AMPD1: variants seen among roughly 807,000 people sequenced by gnomAD.
The protein encoded by AMPD1 is AMP deaminase 1.
In AMPD1, 74 loss-of-function variants were observed where a neutral mutation model predicts 82.9. The ratio of observed to expected loss-of-function variants is 0.89; its 90% CI spans 0.74 to 1.08. The LOEUF is 1.08. Ranked by LOEUF, AMPD1 falls within the 50% of genes least tolerant of loss-of-function variation. AMPD1 has a pLI of 0.00. For missense variants in AMPD1, 881 were observed against 924.5 expected (o/e 0.95, Z 0.61); for synonymous variants, 333 against 320.5 (o/e 1.04, Z -0.42).
chr1:114,684,059 C>A, intron 5 of AMPD1, 140 bp downstream of exon 5: 1 of 877,454 alleles, frequency 1.1e-6, no homozygotes, highest in Non-Finnish European at 1.7e-6. Context: ...TGATTGGACA[C>A]GTGAGGAAAT....
intron 13 of AMPD1, 69 bp from the exon 14 acceptor site, chr1:114,674,151 C>T: frequency 1.4e-6 from 2 of 1,412,216 alleles, no homozygotes; most frequent in East Asian, 2.4e-5. Context: ...ACACTACAAT[C>T]TCATGGTCTG....
chr1:114,674,196 G>T, intron 13 of AMPD1, 114 bp from the exon 14 acceptor site: 1 of 938,472 alleles, frequency 1.1e-6, no homozygotes, highest in Non-Finnish European at 1.6e-6. Context: ...ATTATCACTT[G>T]TTCTTCAAGT....
intron 13 of AMPD1, 63 bp from the exon 14 acceptor site, chr1:114,674,145 T>C (rs1657914511): frequency 7.0e-7 from 1 of 1,438,610 alleles, no homozygotes; most frequent in Non-Finnish European, 9.7e-7. Flanking sequence ...CTAGAAACAC[T>C]ACAATCTCAT....
At chr1:114,692,869 A>C (rs1415722985) in intron 2 of AMPD1, among the ~76,000 whole-genome samples, 1 of 150,498 alleles carries the variant, frequency 6.6e-6, no homozygotes, top group Non-Finnish European at 1.5e-5. Flanking sequence ...GTGGTGGCCC[A>C]CACCTGTAAT....
At chr1:114,674,664 A>C in intron 13 of AMPD1, 88 bp downstream of exon 13, 1 of 1,488,514 alleles carries the variant, frequency 6.7e-7, no homozygotes, top group Non-Finnish European at 9.3e-7. Flanking sequence ...TGCAGTGTCG[A>C]TAATGACTTG....
At chr1:114,685,764 C>T (rs541334032) in intron 4 of AMPD1, among the ~76,000 whole-genome samples, 4 of 152,206 alleles carry the variant, frequency 2.6e-5, no homozygotes, top group African/African-American at 4.8e-5. Context: ...ACTGTGTTTC[C>T]CCTGTACTCA....
Position 114,674,841 on chromosome 1 carries a change from G to T in AMPD1, c.1711C>A (p.Pro571Thr), listed in dbSNP as rs763199845. ...AGGGCTCCAGCTTCTCCACAGTGAG[G>T]TCGGAACAGAAACGTATTCATGCCT... ...ERGMNTFLFR[P>T]HCGEAGALTH... is the part of the protein sequence containing the mutation. Residue 571 changes from proline (P) to threonine (T), a missense_variant, in exon 13 of 16, where the codon CCT (proline) becomes ACT (threonine). Pro to Thr is a conservative substitution (Grantham distance 38). Transcript: ENST00000520113. 8.1e-6 allele frequency: 13 copies of T among 1,613,976 alleles called. No individual in the cohort carries two copies. Among genetic ancestry groups the T allele is most frequent in the African/African-American group, 1.3e-5 (1 of 74,902 alleles).
At chr1:114,676,604 G>A (rs1394417446) in intron 10 of AMPD1, among the ~76,000 whole-genome samples, 7 of 152,134 alleles carry the variant, frequency 4.6e-5, no homozygotes, top group Non-Finnish European at 7.4e-5. Flanking sequence ...CAGGATTCAA[G>A]TATCACCACT....
At chr1:114,678,123 TG>T in intron 8 of AMPD1, 82 bp from the exon 9 acceptor site, 1 of 1,581,914 alleles carries the variant, frequency 6.3e-7, no homozygotes, top group Non-Finnish European at 8.7e-7. Context: ...CAAGCAGAAC[TG>T]GGGTCTGGTA....
chr1:114,685,521 C>T (rs1557972756), intron 4 of AMPD1, among the ~76,000 whole-genome samples: 1 of 152,152 alleles, frequency 6.6e-6, no homozygotes, highest in South Asian at 2.1e-4. Flanking sequence ...CTCAGCAGCC[C>T]AGCCACATTC....
chr1:114,674,509 G>A (rs748110832), intron 13 of AMPD1, among the ~76,000 whole-genome samples: 40 of 152,176 alleles, frequency 2.6e-4, no homozygotes, highest in Non-Finnish European at 5.0e-4. Context: ...CCCTTGTCAG[G>A]ATTCTAAGCT....
rs145129040 is a variant in AMPD1 at position 114,685,780 on chromosome 1, A to C, written c.381+965T>G. ...CTGTGTTTCCCCTGTACTCATCTCT[A>C]TTAGGCATTTCCTTTTAGTTATTTA... is the stretch of plus-strand genomic sequence containing the variant. On this transcript the variant is annotated intron_variant, in intron 4 of 15. Coordinates refer to ENST00000520113, the MANE Select transcript of AMPD1 (RefSeq NM_000036.3). 3.6e-3 allele frequency among the ~76,000 whole-genome samples: 552 copies of C among 152,230 alleles called. 4 individuals carry two copies. The highest frequency in any genetic ancestry group is 0.017 in the Middle Eastern group (5 of 294).
chr1:114,674,550 C>G (rs1266488953), intron 13 of AMPD1, among the ~76,000 whole-genome samples: 3 of 152,208 alleles, frequency 2.0e-5, no homozygotes, highest in Non-Finnish European at 1.5e-5. Context: ...TAACTTTTAT[C>G]TGACAGCAAC....
Position 114,677,448 on chromosome 1 carries a change from G to T in AMPD1, c.1291C>A (p.Arg431Ser). The T allele has an allele frequency of 6.2e-7, 1 of 1,612,792 alleles. No individual in the cohort carries two copies. Among genetic ancestry groups the T allele is most frequent in the Non-Finnish European group, 8.5e-7 (1 of 1,179,806 alleles). Residue 431 changes from arginine to serine, a missense_variant, in exon 10 of 16, where the codon CGC becomes AGC. Around this residue, in one of 2 missense-constraint regions of AMPD1, gnomAD observed 783 missense variants for 786.4 expected, o/e 1.00. Coordinates refer to ENST00000520113, the MANE Select transcript of AMPD1 (RefSeq NM_000036.3). Reference sequence around the variant, plus strand: ...AGTTTGCTCCACTCATCAGGACTGCGGCCATAGATGGACAGGCGGGGCTCA... The same window carrying T: ...AGTTTGCTCCACTCATCAGGACTGCTGCCATAGATGGACAGGCGGGGCTCA... Reference protein sequence around the residue: ...HAEPRLSIYGRSPDEWSKLSS... With the variant: ...HAEPRLSIYGSSPDEWSKLSS...
intron 7 of AMPD1, 91 bp from the exon 8 acceptor site, chr1:114,678,618 G>GT (rs894870923): frequency 8.4e-7 from 1 of 1,189,582 alleles, no homozygotes; most frequent in African/African-American, 1.5e-5. Context: ...ATCCCACTGC[G>GT]TTGGGACAAA....
At position 114,676,033 on chromosome 1, in the gene AMPD1, G is replaced by T. The variant is rs771317328; in HGVS notation, c.1389-30C>A. ...AGGCAAGAATGAAGAGAATTTAGGA[G>T]AAAAAAAGATTTTTAGGACTGATAG... On this transcript the variant is annotated intron_variant, in intron 10 of 15. Transcript: ENST00000520113. 5 of 1,612,188 alleles carry T rather than the reference G, an allele frequency of 3.1e-6. No homozygotes were observed. The South Asian group carries it at 4.4e-5, about 14-fold the overall frequency.
chr1:114,677,191 C>T lies in AMPD1; in HGVS notation c.1388+160G>A, dbSNP rs931685115. 2.0e-5 allele frequency among the ~76,000 whole-genome samples: 3 copies of T among 151,398 alleles called. No homozygotes were observed. In the South Asian group the frequency reaches 6.3e-4, roughly 32 times the overall value. On this transcript the variant is annotated intron_variant, in intron 10 of 15. Transcript: ENST00000520113. ...CTGTCTGTGGTTAAGAGTGCTGTAC[C>T]CAGAGTGGACAAAACCAAGCATGCA...
chr1:114,688,686 T>C lies in AMPD1; in HGVS notation c.90A>G (p.Lys30=). The change falls in exon 3 of 16, where the codon AAA becomes AAG. Residue 30 remains lysine (K), a synonymous_variant. Coordinates refer to ENST00000520113, the MANE Select transcript of AMPD1 (RefSeq NM_000036.3). ...AAATCTCCTGACGACCTCCTTCATC[T>C]TTGACTTCAGAGGCAAACACTTTTT... ...FAEKVFASEV[K]DEGGRQEISP... 6.2e-7 allele frequency: 1 copy of C among 1,614,210 alleles called. No individual in the cohort carries two copies. The highest frequency in any genetic ancestry group is 1.3e-5 in the African/African-American group (1 of 75,054).
chr1:114,693,433 C>CAA lies in AMPD1; in HGVS notation c.34+2_34+3insTT. 3.7e-6 allele frequency: 6 copies of CAA among 1,610,040 alleles called. No individual in the cohort carries two copies. The highest frequency in any genetic ancestry group is 5.1e-6 in the Non-Finnish European group (6 of 1,176,644). Reference sequence around the variant, plus strand: ...ATGGCAGCAAAAGTAATGCAATACTCACGTTTCTCTTCAGCTGTATGAAGT... The same window carrying CAA: ...ATGGCAGCAAAAGTAATGCAATACTCAAACGTTTCTCTTCAGCTGTATGAAGT... On this transcript the variant is annotated splice_region_variant and intron_variant, in intron 2 of 15. Transcript: ENST00000520113.
Sources: gnomAD v4.1 joint callset for allele counts (sites outside exome capture counted in the v4.1 genomes callset) on GRCh38, gnomAD v4.1.1 for gene constraint, gnomAD v4.1.1 regional missense constraint, MANE v1.5 for transcripts, NCBI Gene and HGNC (gene_info 2026-07-23, HGNC 2026-07-21) for gene names.